The following PTPN13 variants were observed in gnomAD, a reference collection of about 807,000 sequenced individuals.
PTPN13 encodes the protein protein tyrosine phosphatase non-receptor type 13.
In PTPN13, 191 loss-of-function variants were observed where a neutral mutation model predicts 284.0. The observed-to-expected ratio is 0.67, with a 90% confidence interval of 0.60 to 0.76. The LOEUF is 0.76. Among genes scored for constraint, PTPN13 ranks in the 30% least tolerant of loss-of-function variants. PTPN13 has a pLI of 0.00. For synonymous variants in PTPN13, 986 were observed against 1,022.3 expected (o/e 0.96, Z 0.68); for missense variants, 2,797 against 2,939.9 (o/e 0.95, Z 1.12).
chr4:86,795,054 T>C (rs1743167307), intron 40 of PTPN13, among the ~76,000 whole-genome samples: 1 of 152,138 alleles, frequency 6.6e-6, no homozygotes, highest in African/African-American at 2.4e-5. Context: ...AAATGGGATC[T>C]AATTAAAGAG....
chr4:86,765,231 GA>G (rs1230600534), intron 25 of PTPN13, among the ~76,000 whole-genome samples, 163 bp from the exon 26 acceptor site: 1 of 152,198 alleles, frequency 6.6e-6, no homozygotes, highest in African/African-American at 2.4e-5. Flanking sequence ...TTATACTGAT[GA>G]ATATAATATC....
intron 1 of PTPN13, among the ~76,000 whole-genome samples, chr4:86,605,554 G>A (rs978949091): frequency 1.3e-5 from 2 of 151,788 alleles, no homozygotes; most frequent in Admixed American, 1.3e-4. Context: ...TAGTCAGGGG[G>A]AAACAACTTT....
At chr4:86,782,606 G>A (rs1469309948) in intron 37 of PTPN13, among the ~76,000 whole-genome samples, 1 of 152,096 alleles carries the variant, frequency 6.6e-6, no homozygotes, top group African/African-American at 2.4e-5. Context: ...ATTAAGAGTG[G>A]AATTGTTCCT....
intron 15 of PTPN13, among the ~76,000 whole-genome samples, chr4:86,740,867 TC>T (rs1336000727): frequency 1.3e-5 from 2 of 151,700 alleles, no homozygotes; most frequent in Non-Finnish European, 2.9e-5. Flanking sequence ...AGTTGAAAGT[TC>T]CACAAATCTC....
At chr4:86,612,554 A>G (rs1369270500) in intron 1 of PTPN13, among the ~76,000 whole-genome samples, 1 of 152,216 alleles carries the variant, frequency 6.6e-6, no homozygotes, top group Non-Finnish European at 1.5e-5. Context: ...GATGAAAACT[A>G]TAAACCCACA....
chr4:86,718,920 G>T (rs1242820379), intron 9 of PTPN13, among the ~76,000 whole-genome samples: 1 of 151,942 alleles, frequency 6.6e-6, no homozygotes, highest in Non-Finnish European at 1.5e-5. Context: ...ACCCCATTTT[G>T]ATACTTTTGA....
chr4:86,625,766 C>G (rs190993109), intron 1 of PTPN13, among the ~76,000 whole-genome samples: 1 of 152,224 alleles, frequency 6.6e-6, no homozygotes, highest in East Asian at 1.9e-4. Context: ...GCGATATGCC[C>G]CACTACGTAG....
In PTPN13 at chr4:86,662,355, C is replaced by T. The variant is rs571161530; in HGVS notation, c.116-10010C>T. On this transcript the variant is annotated intron_variant, in intron 2 of 47. Coordinates refer to ENST00000411767, the MANE Select transcript of PTPN13 (RefSeq NM_080683.3). ...TTATTTCTTATTTATTTATTTGAGA[C>T]GGAGTCTCACTCTGTCACCAGGCTG... 2.4e-4 allele frequency among the ~76,000 whole-genome samples: 37 copies of T among 152,136 alleles called. No homozygotes were observed. The East Asian group carries it at 3.9e-3, about 16-fold the overall frequency.
intron 45 of PTPN13, among the ~76,000 whole-genome samples, chr4:86,808,855 A>G (rs1286204380): frequency 2.6e-5 from 4 of 152,214 alleles, no homozygotes; most frequent in Non-Finnish European, 4.4e-5. Flanking sequence ...GTGGAAAAAA[A>G]TAGAGAAGGA....
chr4:86,786,196 T>A (rs1178546921), intron 40 of PTPN13, among the ~76,000 whole-genome samples: 1 of 152,112 alleles, frequency 6.6e-6, no homozygotes, highest in African/African-American at 2.4e-5. Flanking sequence ...ACTTTATAAA[T>A]TATTCTTTAA....
rs1456999743 is a variant in PTPN13, at chr4:86,735,580, A to G, written c.2152-14A>G. ...AAGGCAAACAATTGCTTATGAAAAC[A>G]TTCTTTTATCTAGGTTCATGGTGTG... On this transcript the variant is annotated splice_polypyrimidine_tract_variant and intron_variant, in intron 14 of 47. Transcript: ENST00000411767. 1.2e-6 allele frequency: 2 copies of G among 1,601,372 alleles called. No homozygotes were observed. Among genetic ancestry groups the G allele is most frequent in the South Asian group, 1.1e-5 (1 of 87,696 alleles).
chr4:86,800,668 A>G (rs551045012), intron 42 of PTPN13, among the ~76,000 whole-genome samples: 1 of 142,418 alleles, frequency 7.0e-6, no homozygotes, highest in Admixed American at 6.9e-5. Flanking sequence ...AGAAAGAGAG[A>G]GAGAGAAAGA....
intron 3 of PTPN13, among the ~76,000 whole-genome samples, chr4:86,685,057 C>G (rs908564963): frequency 1.3e-5 from 2 of 152,218 alleles, no homozygotes; most frequent in South Asian, 2.1e-4. Flanking sequence ...TCCATTTGTG[C>G]TTTAGCTTCA....
At chr4:86,716,463 A>G in intron 7 of PTPN13, 67 bp from the exon 8 acceptor site, 2 of 943,908 alleles carry the variant, frequency 2.1e-6, no homozygotes, top group Non-Finnish European at 3.2e-6. Flanking sequence ...GATTAAAATT[A>G]ATATTTTGAT....
chr4:86,596,822 C>G (rs1763850934), intron 1 of PTPN13, among the ~76,000 whole-genome samples: 1 of 152,104 alleles, frequency 6.6e-6, no homozygotes. Flanking sequence ...TCACCCTCTT[C>G]TTTTGACAGA....
chr4:86,710,803 C>T (rs773788413), intron 7 of PTPN13, among the ~76,000 whole-genome samples: 1 of 151,994 alleles, frequency 6.6e-6, no homozygotes, highest in Non-Finnish European at 1.5e-5. Flanking sequence ...AGTTTTTATA[C>T]CTCATTCTGA....
intron 19 of PTPN13, among the ~76,000 whole-genome samples, chr4:86,752,314 A>G (rs1244339242): frequency 6.6e-6 from 1 of 152,204 alleles, no homozygotes; most frequent in Non-Finnish European, 1.5e-5. Flanking sequence ...AATGAAGACA[A>G]AAGACAATTC....
chr4:86,662,818 A>G (rs1309982707), intron 2 of PTPN13, among the ~76,000 whole-genome samples: 1 of 152,176 alleles, frequency 6.6e-6, no homozygotes, highest in African/African-American at 2.4e-5. Flanking sequence ...TGTATATCAG[A>G]CAGGGTGAGA....
intron 3 of PTPN13, among the ~76,000 whole-genome samples, chr4:86,674,015 T>A (rs1036963250): frequency 6.6e-6 from 1 of 152,136 alleles, no homozygotes; most frequent in Non-Finnish European, 1.5e-5. Context: ...CCAGGGAGTT[T>A]TAATACTCTG....
Sources: allele counts gnomAD v4.1 joint callset (sites outside exome capture counted in the v4.1 genomes callset), GRCh38; gene constraint gnomAD v4.1.1; transcripts MANE v1.5; gene names NCBI Gene and HGNC (gene_info 2026-07-23, HGNC 2026-07-21).